The following ALPP variants were observed in gnomAD, a reference collection of about 807,000 sequenced individuals.
ALPP encodes the protein alkaline phosphatase, placental, also known as alkaline phosphatase, placental type.
Under a neutral mutation model 50.7 loss-of-function variants are expected in ALPP, and 39 were observed. The observed-to-expected ratio is 0.77, with a 90% CI of 0.60 to 1.00. ALPP has a LOEUF of 1.00. Ranked by LOEUF, ALPP falls within the 50% of genes least tolerant of loss-of-function variation. ALPP has a pLI of 0.00. For missense variants in ALPP, 550 were observed against 746.8 expected (o/e 0.74, Z 3.07); for synonymous variants, 226 against 320.3 (o/e 0.71, Z 3.14).
chr2:232,380,497 T>C lies in ALPP; in HGVS notation c.865+5T>C, dbSNP rs374722497. On this transcript the variant is annotated splice_donor_5th_base_variant and intron_variant, in intron 7 of 10. Transcript: ENST00000392027. ...CGTCTGTGACCCATCTCATGGGTAA[T>C]GACCCCCTTCCTGCCCTGGCATCCC... The C allele has an allele frequency of 6.2e-7, 1 of 1,612,060 alleles. No individual in the cohort carries two copies. Among genetic ancestry groups the C allele is most frequent in the African/African-American group, 1.4e-5 (1 of 73,996 alleles).
rs943385887 is a variant in ALPP, at chr2:232,381,425, G to C, written c.1309+58G>C. The C allele has an allele frequency of 2.5e-6, 4 of 1,612,648 alleles. No individual in the cohort carries two copies. In the African/African-American group the frequency reaches 5.3e-5, roughly 22 times the overall value. On this transcript the variant is annotated intron_variant, in intron 10 of 10. Coordinates refer to ENST00000392027, the MANE Select transcript of ALPP (RefSeq NM_001632.5). ...CCAGGGTGCCAAGGATGGGGGGCTG[G>C]CGGGAAGGGGTCACCTCCTGTCTGC...
chr2:232,381,687 C>T lies in ALPP; in HGVS notation c.1500C>T (p.Pro500=), dbSNP rs774027961. The T allele has an allele frequency of 6.2e-7, 1 of 1,609,038 alleles. No homozygotes were observed. The highest frequency in any genetic ancestry group is 8.5e-7 in the Non-Finnish European group (1 of 1,178,682). The part of the protein sequence containing the change: ...LEPYTACDLA[P]PAGTTDAAHP... Reference sequence around the variant, plus strand: ...CCTACACCGCCTGCGACCTGGCGCCCCCCGCCGGCACCACCGACGCCGCGC... The same window carrying T: ...CCTACACCGCCTGCGACCTGGCGCCTCCCGCCGGCACCACCGACGCCGCGC... Residue 500 remains proline, a synonymous_variant, in exon 11 of 11, where the codon CCC becomes CCT. Coordinates refer to ENST00000392027, the MANE Select transcript of ALPP (RefSeq NM_001632.5).
Position 232,382,589 on chromosome 2 carries a change from A to G in ALPP, c.*794A>G, listed in dbSNP as rs1446290054. Reference sequence around the variant, plus strand: ...CTGCTCTCCTGGGAGACAAAGCAATAATAAAAGGAAGTGTTTGTAATCCCA... The same window carrying G: ...CTGCTCTCCTGGGAGACAAAGCAATGATAAAAGGAAGTGTTTGTAATCCCA... On this transcript the variant is annotated 3_prime_UTR_variant, in exon 11 of 11. Coordinates refer to ENST00000392027, the MANE Select transcript of ALPP (RefSeq NM_001632.5). 6.6e-6 allele frequency: 1 copy of G among 152,244 alleles called. No individual in the cohort carries two copies. The highest frequency in any genetic ancestry group is 1.5e-5 in the Non-Finnish European group (1 of 68,144). The allele number at this position is 152,244 out of a possible 1,614,324, so 9.4% of individuals were successfully genotyped here.
In ALPP at chr2:232,381,889, T is replaced by G. The variant is rs796856652; in HGVS notation, c.*94T>G. ...GCCTGGCCTCCAGCCCGAGTCGTCA[T>G]CCCCGGAGTCCCTATACAGAGGTCC... is the stretch of plus-strand genomic sequence containing the variant. On this transcript the variant is annotated 3_prime_UTR_variant, in exon 11 of 11. Coordinates refer to ENST00000392027, the MANE Select transcript of ALPP (RefSeq NM_001632.5). 2.7e-6 allele frequency: 4 copies of G among 1,477,940 alleles called. No individual in the cohort carries two copies. Among genetic ancestry groups the G allele is most frequent in the African/African-American group, 2.8e-5 (2 of 71,752 alleles). The allele number at this position is 1,477,940 out of a possible 1,614,324, so 91.6% of individuals were successfully genotyped here.
rs1449306485 is a variant in ALPP, at chr2:232,381,708, C to T, written c.1521C>T (p.Ala507=). 1.9e-6 allele frequency: 3 copies of T among 1,606,274 alleles called. No individual in the cohort carries two copies. The highest frequency in any genetic ancestry group is 1.3e-5 in the African/African-American group (1 of 74,890). Residue 507 remains alanine (A), a synonymous_variant, in exon 11 of 11, where the codon GCC becomes GCT. Transcript: ENST00000392027. ...CGCCCCCCGCCGGCACCACCGACGC[C>T]GCGCACCCGGGGCGGTCCGTGGTCC... ...DLAPPAGTTD[A]AHPGRSVVPA...
Position 232,381,572 on chromosome 2 carries a change from T to C in ALPP, c.1385T>C (p.Phe462Ser). The change falls in exon 11 of 11, where the codon TTC (phenylalanine) becomes TCC (serine). Residue 462 changes from phenylalanine (F) to serine (S), a missense_variant. Transcript: ENST00000392027. ...ETHAGEDVAV[F>S]ARGPQAHLVH... The stretch of plus-strand genomic sequence containing the variant: ...CACGCAGGCGAGGACGTGGCGGTGT[T>C]CGCGCGCGGCCCGCAGGCGCACCTG... The C allele has an allele frequency of 6.2e-7, 1 of 1,612,814 alleles. No homozygotes were observed. Among genetic ancestry groups the C allele is most frequent in the Non-Finnish European group, 8.5e-7 (1 of 1,179,750 alleles).
rs777996427 is a variant in ALPP at position 232,380,284 on chromosome 2, G to A, written c.756G>A (p.Gly252=). The stretch of plus-strand genomic sequence containing the variant: ...GCCAAGGTGGGACCAGGCTGGACGG[G>A]AAGAATCTGGTGCAGGAATGGCTGG... The part of the protein sequence containing the change: ...DYSQGGTRLD[G]KNLVQEWLAK... The change falls in exon 6 of 11, where the codon GGG becomes GGA. Residue 252 remains glycine, a synonymous_variant. Coordinates refer to ENST00000392027, the MANE Select transcript of ALPP (RefSeq NM_001632.5). 3 of 1,613,868 alleles carry A rather than the reference G, an allele frequency of 1.9e-6. No homozygotes were observed. The highest frequency in any genetic ancestry group is 1.1e-5 in the South Asian group (1 of 91,070).
In ALPP at chr2:232,382,235, G is replaced by C. The variant is rs1282373891; in HGVS notation, c.*440G>C. 4.8e-6 allele frequency: 1 copy of C among 209,958 alleles called. No homozygotes were observed. Among genetic ancestry groups the C allele is most frequent in the Non-Finnish European group, 9.4e-6 (1 of 106,284 alleles). 13.0% of individuals were successfully genotyped at this position (209,958 alleles called of 1,614,324 possible). On this transcript the variant is annotated 3_prime_UTR_variant, in exon 11 of 11. Coordinates refer to ENST00000392027, the MANE Select transcript of ALPP (RefSeq NM_001632.5). The stretch of plus-strand genomic sequence containing the variant: ...GACGCCTGGAGAAGGGTGGTTTCCT[G>C]CCACCCTGCTGGCCAAGGAGGCTCC...
At position 232,379,853 on chromosome 2, in the gene ALPP, T is replaced by A; in HGVS notation, c.574T>A (p.Ser192Thr). ...YAHTVNRNWY[S>T]DADVPASARQ... is the part of the protein sequence containing the mutation. Reference sequence around the variant, plus strand: ...CCACACGGTGAACCGCAACTGGTACTCGGACGCCGACGTGCCTGCCTCCGC... The same window carrying A: ...CCACACGGTGAACCGCAACTGGTACACGGACGCCGACGTGCCTGCCTCCGC... Residue 192 changes from serine to threonine, a missense_variant, in exon 5 of 11, where the codon TCG becomes ACG. Physicochemically the swap from Ser to Thr is moderately conservative, Grantham distance 58 (BLOSUM62 1). This residue lies in a region of ALPP where 376 missense variants were observed against 388.5 expected (regional missense o/e 0.97). Coordinates refer to ENST00000392027, the MANE Select transcript of ALPP (RefSeq NM_001632.5). The A allele has an allele frequency of 6.2e-7, 1 of 1,613,556 alleles. No individual in the cohort carries two copies. The highest frequency in any genetic ancestry group is 8.5e-7 in the Non-Finnish European group (1 of 1,179,934).
chr2:232,378,771 C>A lies in ALPP; in HGVS notation c.-32C>A. On this transcript the variant is annotated 5_prime_UTR_variant, in exon 1 of 11. It adds an upstream start codon to the 5' untranslated region. Coordinates refer to ENST00000392027, the MANE Select transcript of ALPP (RefSeq NM_001632.5). ...AGCTCATACTCCATGCCCAGAATTCCTGCCTCGCCACTGTCCTGCTGCCCT... is the reference window on the plus strand; with the variant it reads ...AGCTCATACTCCATGCCCAGAATTCATGCCTCGCCACTGTCCTGCTGCCCT... 1.2e-6 allele frequency: 2 copies of A among 1,608,312 alleles called. No individual in the cohort carries two copies. The highest frequency in any genetic ancestry group is 1.1e-5 in the South Asian group (1 of 90,280).
intron 10 of ALPP, 21 bp downstream of exon 10, chr2:232,381,388 C>G: frequency 1.2e-6 from 2 of 1,614,010 alleles, no homozygotes; most frequent in Non-Finnish European, 1.7e-6. Flanking sequence ...CGGGGTGGCC[C>G]CCTGAGGGGG....
rs1309115435 is a variant in ALPP, at chr2:232,381,931, C to T, written c.*136C>T. On this transcript the variant is annotated 3_prime_UTR_variant, in exon 11 of 11. Coordinates refer to ENST00000392027, the MANE Select transcript of ALPP (RefSeq NM_001632.5). ...CAGAGGTCCTGCCATGGAACCTTCC[C>T]CTCCCCGTGCGCTCTGGGGACTGAG... The T allele has an allele frequency of 4.4e-6, 6 of 1,350,492 alleles. No homozygotes were observed. The East Asian group carries it at 1.3e-4, about 28-fold the overall frequency. 83.7% of individuals were successfully genotyped at this position (1,350,492 alleles called of 1,614,324 possible). A position where few individuals can be genotyped will look rare whatever the true frequency, so the allele number is the denominator to read the frequency against.
Position 232,379,082 on chromosome 2 carries a change from G to A in ALPP, c.188G>A (p.Gly63Asp). ...GCCAAGAACCTCATCATCTTCCTGG[G>A]CGATGGTGAGTGAGCCAGGCCTTCC... ...TAAKNLIIFLGDGMGVSTVTA... is the reference protein window; with the variant it reads ...TAAKNLIIFLDDGMGVSTVTA... The change falls in exon 2 of 11, where the codon GGC becomes GAC. Residue 63 changes from glycine (G) to aspartate (D), a missense_variant. Gly to Asp is a moderately conservative substitution (Grantham distance 94). This residue lies in a region of ALPP where 376 missense variants were observed against 388.5 expected (regional missense o/e 0.97). Coordinates refer to ENST00000392027, the MANE Select transcript of ALPP (RefSeq NM_001632.5). The A allele has an allele frequency of 6.2e-7, 1 of 1,614,038 alleles. No homozygotes were observed. Among genetic ancestry groups the A allele is most frequent in the African/African-American group, 1.3e-5 (1 of 75,000 alleles).
At chr2:232,381,408 C>T in intron 10 of ALPP, 41 bp downstream of exon 10, 1 of 1,613,690 alleles carries the variant, frequency 6.2e-7, no homozygotes, top group South Asian at 1.1e-5. Flanking sequence ...GACCAGGGTG[C>T]CAAGGATGGG....
In ALPP at chr2:232,379,615, G is replaced by A. The variant is rs537013204; in HGVS notation, c.412G>A (p.Ala138Thr). The change falls in exon 4 of 11, where the codon GCC becomes ACC. Residue 138 changes from alanine to threonine, a missense_variant. Coordinates refer to ENST00000392027, the MANE Select transcript of ALPP (RefSeq NM_001632.5). ...NFQTIGLSAA[A>T]RFNQCNTTRG... ...CCAGACCATTGGCTTGAGTGCAGCC[G>A]CCCGCTTTAACCAGTGCAACACGAC... The A allele has an allele frequency of 2.0e-5, 33 of 1,613,884 alleles. No homozygotes were observed. The East Asian group carries it at 2.5e-4, about 12-fold the overall frequency.
chr2:232,379,512 G>C lies in ALPP; in HGVS notation c.310-1G>C, dbSNP rs748515793. ...AGAGCTCAGAGTGTCTCTGTCCCCA[G>C]ACATACAATGTAGACAAACATGTGC... On this transcript the variant is annotated splice_acceptor_variant, in intron 3 of 10. Coordinates refer to ENST00000392027, the MANE Select transcript of ALPP (RefSeq NM_001632.5). LOFTEE classifies it high-confidence loss of function. The C allele has an allele frequency of 1.9e-6, 3 of 1,614,028 alleles. No homozygotes were observed. In the Admixed American group the frequency reaches 5.0e-5, roughly 27 times the overall value.
chr2:232,380,161 C>T (rs200913342), intron 5 of ALPP, 25 bp from the exon 6 acceptor site: 355 of 1,613,788 alleles, frequency 2.2e-4, no homozygotes, highest in Non-Finnish European at 2.7e-4. Flanking sequence ...GCCCCAAATC[C>T]ACCTGCCCCA....
rs763744014 is a variant in ALPP, at chr2:232,379,203, T to G, written c.197T>G (p.Met66Arg). 6.2e-7 allele frequency: 1 copy of G among 1,613,786 alleles called. No homozygotes were observed. The highest frequency in any genetic ancestry group is 8.5e-7 in the Non-Finnish European group (1 of 1,179,968). Reference sequence around the variant, plus strand: ...TCACACATTTCTGTTCCTTCAGGGATGGGGGTGTCTACGGTGACAGCTGCC... The same window carrying G: ...TCACACATTTCTGTTCCTTCAGGGAGGGGGGTGTCTACGGTGACAGCTGCC... ...KNLIIFLGDG[M>R]GVSTVTAARI... Residue 66 changes from methionine (M) to arginine (R), a missense_variant, in exon 3 of 11, where the codon ATG becomes AGG. Transcript: ENST00000392027.
At position 232,379,806 on chromosome 2, in the gene ALPP, C is replaced by T; in HGVS notation, c.527C>T (p.Ala176Val). 6.2e-7 allele frequency: 1 copy of T among 1,613,830 alleles called. No individual in the cohort carries two copies. Among genetic ancestry groups the T allele is most frequent in the Non-Finnish European group, 8.5e-7 (1 of 1,180,032 alleles). Residue 176 changes from alanine (A) to valine (V), a missense_variant, in exon 5 of 11, where the codon GCC (alanine) becomes GTC (valine). Around this residue, in one of 5 missense-constraint regions of ALPP, gnomAD observed 376 missense variants for 388.5 expected, o/e 0.97. Coordinates refer to ENST00000392027, the MANE Select transcript of ALPP (RefSeq NM_001632.5). ...GTAACCACCACACGAGTGCAGCACGCCTCGCCAGCCGGCACCTACGCCCAC... is the reference window on the plus strand; with the variant it reads ...GTAACCACCACACGAGTGCAGCACGTCTCGCCAGCCGGCACCTACGCCCAC... The part of the protein sequence containing the change: ...GVVTTTRVQH[A>V]SPAGTYAHTV...
Sources: gnomAD v4.1 joint callset for allele counts on GRCh38, gnomAD v4.1.1 for gene constraint, gnomAD v4.1.1 regional missense constraint, MANE v1.5 for transcripts, NCBI Gene and HGNC (gene_info 2026-07-23, HGNC 2026-07-21) for gene names.